GAS6: variants seen among roughly 807,000 people sequenced by gnomAD.
The protein encoded by GAS6 is growth arrest specific 6.
In GAS6, 41 loss-of-function variants were observed where a neutral mutation model predicts 75.8. That is an observed-to-expected ratio of 0.54 (90% CI 0.42 to 0.70). The LOEUF (loss-of-function observed/expected upper bound fraction) is 0.70. Ranked by LOEUF, GAS6 falls within the 30% of genes least tolerant of loss-of-function variation. The pLI, the probability that GAS6 is intolerant of heterozygous loss-of-function variation, is 0.00. For synonymous variants in GAS6, 432 were observed against 412.6 expected, an observed-to-expected ratio of 1.05 and a Z score of -0.57; for missense variants, 854 against 940.2, an observed-to-expected ratio of 0.91 and a Z score of 1.20.
rs1304296745 is a variant in GAS6, at chr13:113,839,844, G to A, written c.350C>T (p.Pro117Leu). The A allele has an allele frequency of 3.1e-6, 5 of 1,613,760 alleles. No individual in the cohort carries two copies. Among genetic ancestry groups the A allele is most frequent in the Non-Finnish European group, 4.2e-6 (5 of 1,179,982 alleles). ...GCAGGGGTTGGGCGTGCACTGGTCA[G>A]GCAGGTCTGATTGGGGACACAAAGT... Reference protein sequence around the residue: ...SGFATCVQNLPDQCTPNPCDR... With the variant: ...SGFATCVQNLLDQCTPNPCDR... Residue 117 changes from proline to leucine, a missense_variant, in exon 5 of 15, where the codon CCT becomes CTT. Coordinates refer to ENST00000327773, the MANE Select transcript of GAS6 (RefSeq NM_000820.4).
chr13:113,842,763 G>T, intron 4 of GAS6: 1 of 396,974 alleles, frequency 2.5e-6, no homozygotes, highest in African/African-American at 2.1e-5. Flanking sequence ...GTGCGCTGCC[G>T]CTACGATGTT....
Position 113,845,577 on chromosome 13 carries a change from A to G in GAS6, c.343+950T>C, listed in dbSNP as rs1222544250. ...TATTGCATGATAATTTTAAAATAAT[A>G]AAAAAGACTTGTGGCAAGCTGAAAA... On this transcript the variant is annotated intron_variant, in intron 4 of 14. Transcript: ENST00000327773. The surrounding 1 kb of genome is among the most constrained non-coding windows in gnomAD (Gnocchi z 4.3). 7 of 147,058 alleles carry G rather than the reference A, an allele frequency of 4.8e-5. 1 individual carries two copies. The highest frequency in any genetic ancestry group is 1.9e-4 in the African/African-American group (7 of 37,234). 9.1% of individuals were successfully genotyped at this position (147,058 alleles called of 1,614,324 possible).
At chr13:113,821,660 C>CT in intron 14 of GAS6, 1 of 419,602 alleles carries the variant, frequency 2.4e-6, no homozygotes, top group Non-Finnish European at 4.2e-6. Context: ...CCCTCTCCCC[C>CT]GGGGCTGGTC....
chr13:113,849,955 T>C (rs961547321), intron 2 of GAS6, among the ~76,000 whole-genome samples: 1 of 152,024 alleles, frequency 6.6e-6, no homozygotes, highest in African/African-American at 2.4e-5. Flanking sequence ...CGCTATACAC[T>C]CCTGAGAGAA....
intron 2 of GAS6, among the ~76,000 whole-genome samples, chr13:113,857,580 T>A (rs2051924338): frequency 1.3e-5 from 2 of 152,206 alleles, no homozygotes; most frequent in South Asian, 4.1e-4. Flanking sequence ...TGAGGAAACC[T>A]GGATGCCTGT....
chr13:113,825,466 T>C (rs2051524674), intron 12 of GAS6, among the ~76,000 whole-genome samples: 1 of 152,054 alleles, frequency 6.6e-6, no homozygotes. Context: ...GTCTCCTCTG[T>C]CTTGTAAGAG....
At chr13:113,824,415 C>CCTGCGGTCTGGGGTCTG (rs1566352855) in intron 12 of GAS6, among the ~76,000 whole-genome samples, 8 of 67,530 alleles carry the variant, frequency 1.2e-4, no homozygotes, top group Admixed American at 1.8e-4. Flanking sequence ...GTCAGGAGCA[C>CCTGCGGTCTGGGGTCTG]ATGCGGTCTG....
Position 113,823,581 on chromosome 13 carries a change from T to C in GAS6, c.1478-31A>G, listed in dbSNP as rs199759304. 6.4e-5 allele frequency: 102 copies of C among 1,581,800 alleles called. No homozygotes were observed. The African/African-American group carries it at 1.2e-3, about 19-fold the overall frequency. On this transcript the variant is annotated intron_variant, in intron 12 of 14. Transcript: ENST00000327773. ...ATGAAAGCGGTGCATTATAGGGTGG[T>C]ATGCACGGTGGAGAGGCCACAGTGA... is the stretch of plus-strand genomic sequence containing the variant.
chr13:113,839,669 G>C, intron 5 of GAS6, 59 bp downstream of exon 5: 1 of 1,590,982 alleles, frequency 6.3e-7, no homozygotes, highest in Non-Finnish European at 8.6e-7. Context: ...TGAGGAGCGG[G>C]GATCAGGGCA....
intron 2 of GAS6, among the ~76,000 whole-genome samples, chr13:113,859,790 G>C (rs1023235349): frequency 6.6e-6 from 1 of 152,116 alleles, no homozygotes; most frequent in Non-Finnish European, 1.5e-5. Flanking sequence ...TGCAGCCTCT[G>C]TCAAGGCAGG....
intron 7 of GAS6, among the ~76,000 whole-genome samples, chr13:113,835,144 A>T (rs2138636327): frequency 6.6e-6 from 1 of 152,262 alleles, no homozygotes; most frequent in East Asian, 1.9e-4. Flanking sequence ...TAGAGGCTCT[A>T]CGGCCAACAG....
At chr13:113,854,825 G>C (rs1451944878) in intron 2 of GAS6, among the ~76,000 whole-genome samples, 1 of 152,260 alleles carries the variant, frequency 6.6e-6, no homozygotes, top group African/African-American at 2.4e-5. Flanking sequence ...ACACTACAAG[G>C]AGAGAGGCCC....
At chr13:113,828,768 C>T in intron 10 of GAS6, 57 bp from the exon 11 acceptor site, 1 of 1,569,752 alleles carries the variant, frequency 6.4e-7, no homozygotes, top group South Asian at 1.2e-5. Context: ...AAGGGGCTCC[C>T]AACTGAGAAA....
intron 13 of GAS6, chr13:113,823,126 C>T (rs2051482326): frequency 9.0e-6 from 4 of 445,714 alleles, no homozygotes; most frequent in Non-Finnish European, 1.2e-5. Context: ...GAAAAGCTCC[C>T]ACACTGTGAG....
At chr13:113,838,013 CGAAAATAGAAG>C in intron 6 of GAS6, 45 bp downstream of exon 6, 1 of 1,599,304 alleles carries the variant, frequency 6.3e-7, no homozygotes, top group Non-Finnish European at 8.5e-7. Flanking sequence ...CAGACATGAC[CGAAAATAGAAG>C]GTGGGGAGAG....
intron 12 of GAS6, 77 bp downstream of exon 12, chr13:113,826,919 G>A: frequency 9.4e-7 from 1 of 1,061,428 alleles, no homozygotes; most frequent in East Asian, 5.7e-5. Context: ...GCCATCTGAG[G>A]CCGTCTGCTT....
intron 10 of GAS6, among the ~76,000 whole-genome samples, chr13:113,831,620 G>C (rs1414794844): frequency 2.0e-5 from 3 of 152,108 alleles, no homozygotes; most frequent in Non-Finnish European, 2.9e-5. Flanking sequence ...CAAACTCAGG[G>C]AGACCAAACT....
chr13:113,823,680 C>A (rs1004323368), intron 12 of GAS6, 130 bp from the exon 13 acceptor site: 4 of 896,472 alleles, frequency 4.5e-6, no homozygotes, highest in Admixed American at 3.0e-5. Context: ...GGATCTGGGA[C>A]GTGATGGAAA....
In GAS6 at chr13:113,823,650, G is replaced by A. The variant is rs878991605; in HGVS notation, c.1478-100C>T. 36 of 1,218,508 alleles carry A rather than the reference G, an allele frequency of 3.0e-5. No individual in the cohort carries two copies. The South Asian group carries it at 5.3e-4, about 18-fold the overall frequency. 75.5% of individuals were successfully genotyped at this position (1,218,508 alleles called of 1,614,324 possible). On this transcript the variant is annotated intron_variant, in intron 12 of 14. Transcript: ENST00000327773. Reference sequence around the variant, plus strand: ...AGAGATGCAGTCCCAGCCGGGGTGGGAAGCTGTGCAGACAGCCCCGGATCT... The same window carrying A: ...AGAGATGCAGTCCCAGCCGGGGTGGAAAGCTGTGCAGACAGCCCCGGATCT...
Sources: gnomAD v4.1 joint callset for allele counts (sites outside exome capture counted in the v4.1 genomes callset) on GRCh38, gnomAD v4.1.1 for gene constraint, Gnocchi (gnomAD v3.1) non-coding constraint, MANE v1.5 for transcripts, NCBI Gene and HGNC (gene_info 2026-07-23, HGNC 2026-07-21) for gene names.